The following DDX50 variants were observed in gnomAD, a reference collection of about 807,000 sequenced individuals.
DDX50 encodes the protein DExD-box helicase 50.
DDX50 carries 56 observed loss-of-function variants against 94.8 expected under a neutral mutation model. The observed-to-expected ratio is 0.59, with a 90% CI of 0.48 to 0.74. The LOEUF (loss-of-function observed/expected upper bound fraction) is 0.74. DDX50 is among the 30% of genes least tolerant of loss of function. The probability of loss-of-function intolerance (pLI) is 0.00; values close to 1 mark genes in which losing one functional copy is unlikely to be tolerated. For missense variants in DDX50, 713 were observed against 881.2 expected, an observed-to-expected ratio of 0.81 and a Z score of 2.42; for synonymous variants, 264 against 295.4, an observed-to-expected ratio of 0.89 and a Z score of 1.09.
intron 10 of DDX50, 34 bp from the exon 11 acceptor site, chr10:68,935,972 C>A: frequency 7.1e-7 from 1 of 1,410,654 alleles, no homozygotes; most frequent in Non-Finnish European, 9.8e-7. Context: ...GTAAAGACTT[C>A]CATTTTTCTT....
In DDX50 at chr10:68,946,456, T is replaced by C. The variant is rs1434357659; in HGVS notation, c.2040T>C (p.Ser680=). ...GNTSSNSRQR[S]GWSSGRSGRS... is the part of the protein sequence containing the mutation. ...CATCTTCTAATTCCAGACAGAGGAG[T>C]GGCTGGTCAAGTGGTCGATCAGGCC... Residue 680 remains serine (S), a synonymous_variant, in exon 15 of 15, where the codon AGT becomes AGC. Coordinates refer to ENST00000373585, the MANE Select transcript of DDX50 (RefSeq NM_024045.2). 2 of 1,614,098 alleles carry C rather than the reference T, an allele frequency of 1.2e-6. No homozygotes were observed. The highest frequency in any genetic ancestry group is 2.7e-5 in the African/African-American group (2 of 75,012).
intron 1 of DDX50, among the ~76,000 whole-genome samples, chr10:68,903,160 T>A (rs1337149315): frequency 1.3e-5 from 2 of 152,144 alleles, no homozygotes; most frequent in Non-Finnish European, 2.9e-5. Flanking sequence ...ATCCTAGCAC[T>A]TTGGGACGCT....
intron 8 of DDX50, among the ~76,000 whole-genome samples, chr10:68,926,914 CT>C (rs869196891): frequency 2.5e-5 from 3 of 118,626 alleles, no homozygotes; most frequent in East Asian, 2.3e-4. Flanking sequence ...AAAAAAACCC[CT>C]GTGTTCTTTT....
intron 12 of DDX50, 55 bp downstream of exon 12, chr10:68,937,150 AG>A: frequency 6.6e-7 from 1 of 1,515,998 alleles, no homozygotes; most frequent in South Asian, 1.3e-5. Flanking sequence ...AATTGAACAT[AG>A]GAAATATTGT....
Position 68,946,415 on chromosome 10 carries a change from T to C in DDX50, c.1999T>C (p.Tyr667His). The C allele has an allele frequency of 6.2e-7, 1 of 1,614,248 alleles. No homozygotes were observed. Among genetic ancestry groups the C allele is most frequent in the Non-Finnish European group, 8.5e-7 (1 of 1,180,046 alleles). The change falls in exon 15 of 15, where the codon TAT (tyrosine) becomes CAT (histidine). Residue 667 changes from tyrosine to histidine, a missense_variant. Physicochemically the swap from Tyr to His is moderately conservative, Grantham distance 83. Around this residue, in one of 2 missense-constraint regions of DDX50, gnomAD observed 428 missense variants for 602.3 expected, o/e 0.71. Transcript: ENST00000373585. Reference protein sequence around the residue: ...VPAKLPEIEEYYDGNTSSNSR... With the variant: ...VPAKLPEIEEHYDGNTSSNSR... Reference sequence around the variant, plus strand: ...AGCCAAATTACCTGAAATTGAAGAATATTATGATGGAAACACATCTTCTAA... The same window carrying C: ...AGCCAAATTACCTGAAATTGAAGAACATTATGATGGAAACACATCTTCTAA...
At chr10:68,924,455 C>A (rs1842025085) in intron 8 of DDX50, among the ~76,000 whole-genome samples, 2 of 152,042 alleles carry the variant, frequency 1.3e-5, no homozygotes, top group Admixed American at 1.3e-4. Flanking sequence ...CTTATTCTGC[C>A]TCTTATTGTT....
chr10:68,926,805 A>ACACACACACACACACT (rs200147426), intron 8 of DDX50, among the ~76,000 whole-genome samples: 3 of 151,138 alleles, frequency 2.0e-5, no homozygotes, highest in African/African-American at 7.3e-5. Context: ...ACACACACAC[A>ACACACACACACACACT]CACTTTTGGA....
intron 2 of DDX50, among the ~76,000 whole-genome samples, chr10:68,909,731 C>T (rs1051037428): frequency 1.3e-5 from 2 of 151,978 alleles, no homozygotes; most frequent in African/African-American, 2.4e-5. Flanking sequence ...GGTGCAATCT[C>T]GGCTCACTAC....
chr10:68,908,637 CTTTTT>C (rs1157178909), intron 2 of DDX50, among the ~76,000 whole-genome samples: 12 of 95,730 alleles, frequency 1.3e-4, no homozygotes, highest in Non-Finnish European at 1.6e-4. Context: ...TTAAAATTTC[CTTTTT>C]TTTTTTTTTT....
At chr10:68,929,332 T>TCTTTCC (rs1554836368) in intron 8 of DDX50, among the ~76,000 whole-genome samples, 4 of 143,920 alleles carry the variant, frequency 2.8e-5, no homozygotes, top group Non-Finnish European at 6.2e-5. Context: ...TCTTTCTTTC[T>TCTTTCC]TTCCTTCCTT....
chr10:68,913,086 A>G (rs887880433), intron 4 of DDX50, 76 bp from the exon 5 acceptor site: 6 of 1,224,656 alleles, frequency 4.9e-6, no homozygotes, highest in Non-Finnish European at 6.9e-6. Context: ...AAATGCACCT[A>G]AAAAAAGTCT....
intron 7 of DDX50, among the ~76,000 whole-genome samples, chr10:68,915,660 G>A (rs1841765600): frequency 6.6e-6 from 1 of 150,426 alleles, no homozygotes; most frequent in Non-Finnish European, 1.5e-5. Context: ...AGGTTGCAGT[G>A]AGCCAAGATC....
intron 7 of DDX50, among the ~76,000 whole-genome samples, chr10:68,918,428 C>CTTTTT (rs34777951): frequency 1.4e-4 from 8 of 57,090 alleles, no homozygotes; most frequent in African/African-American, 3.9e-4. Flanking sequence ...CCATTCCCTC[C>CTTTTT]TTTTTTTTTT....
At chr10:68,923,586 A>G (rs1328856549) in intron 8 of DDX50, among the ~76,000 whole-genome samples, 1 of 152,048 alleles carries the variant, frequency 6.6e-6, no homozygotes, top group Admixed American at 6.6e-5. Context: ...TCTATCAGCC[A>G]GGCTGGAGTG....
chr10:68,940,665 G>A (rs945457713), intron 12 of DDX50, among the ~76,000 whole-genome samples: 13 of 151,858 alleles, frequency 8.6e-5, no homozygotes, highest in Non-Finnish European at 1.6e-4. Context: ...TGACCCTCCC[G>A]CCTCGGTTTC....
At chr10:68,904,220 A>T (rs996279464) in intron 1 of DDX50, among the ~76,000 whole-genome samples, 2 of 151,020 alleles carry the variant, frequency 1.3e-5, no homozygotes, top group African/African-American at 2.4e-5. Flanking sequence ...CTGAGGTGGG[A>T]GGATCACTTG....
intron 8 of DDX50, among the ~76,000 whole-genome samples, chr10:68,924,509 C>G (rs1216003887): frequency 6.6e-6 from 1 of 152,008 alleles, no homozygotes; most frequent in African/African-American, 2.4e-5. Context: ...ACTGTGATCT[C>G]TTCTGTTGCT....
chr10:68,938,977 T>G (rs1426556664), intron 12 of DDX50, among the ~76,000 whole-genome samples: 1 of 152,208 alleles, frequency 6.6e-6, no homozygotes, highest in Non-Finnish European at 1.5e-5. Flanking sequence ...CAAGCATCAT[T>G]TAACTTTTGC....
rs908890548 is a variant in DDX50, at chr10:68,901,481, G to A, written c.87+10G>A. 7 of 1,558,228 alleles carry A rather than the reference G, an allele frequency of 4.5e-6. No homozygotes were observed. In the African/African-American group the frequency reaches 6.8e-5, roughly 15 times the overall value. On this transcript the variant is annotated intron_variant, in intron 1 of 14. Transcript: ENST00000373585. ...GAAGGAGAGGCAAAAGGTGCGCTGA[G>A]CATGGGCCGCGCCTCCTTTTGGGCT...
Sources: allele counts gnomAD v4.1 joint callset (sites outside exome capture counted in the v4.1 genomes callset), GRCh38; gene constraint gnomAD v4.1.1; regional missense constraint gnomAD v4.1.1; transcripts MANE v1.5; gene names NCBI Gene and HGNC (gene_info 2026-07-23, HGNC 2026-07-21).